Variants in PDIA6 observed in about 807,000 individuals in gnomAD.
PDIA6 encodes the protein protein disulfide-isomerase A6.
In PDIA6, 29 loss-of-function variants were observed where a neutral mutation model predicts 58.4. The ratio of observed to expected loss-of-function variants is 0.50; its 90% CI spans 0.37 to 0.68. PDIA6 has a LOEUF of 0.68. Among genes scored for constraint, PDIA6 ranks in the 30% least tolerant of loss-of-function variants. PDIA6 has a pLI of 0.00. For missense variants in PDIA6, 480 were observed against 551.0 expected (o/e 0.87, Z 1.29); for synonymous variants, 192 against 202.6 (o/e 0.95, Z 0.44).
chr2:10,822,847 GT>G (rs964478704), intron 1 of PDIA6, among the ~76,000 whole-genome samples: 1 of 152,220 alleles, frequency 6.6e-6, no homozygotes, highest in Admixed American at 6.5e-5. Context: ...TCTCTAGCAA[GT>G]CTGAGGAGAC....
At chr2:10,816,308 C>T (rs1572696846), upstream of PDIA6, among the ~76,000 whole-genome samples, 1 of 151,818 alleles carries the variant, frequency 6.6e-6, no homozygotes, top group African/African-American at 2.4e-5. Flanking sequence ...TGGTCTCGAA[C>T]TCCCAGCCTC....
chr2:10,814,813 T>C (rs1167396502), upstream of PDIA6, among the ~76,000 whole-genome samples: 1 of 152,182 alleles, frequency 6.6e-6, no homozygotes, highest in Non-Finnish European at 1.5e-5. Flanking sequence ...TGTGAGTTGA[T>C]CGCAGCCTCT....
intron 2 of PDIA6, among the ~76,000 whole-genome samples, chr2:10,817,786 T>A (rs565319774): frequency 8.5e-5 from 13 of 152,224 alleles, no homozygotes; most frequent in Non-Finnish European, 1.6e-4. Context: ...GGAAGATCAG[T>A]GCCACCCTCC....
rs577726377 is a variant in PDIA6, at chr2:10,828,555, C to T, written c.-48+3647G>A. Among the ~76,000 whole-genome samples the T allele has an allele frequency of 5.6e-3, 853 of 152,288 alleles. 6 individuals are homozygous for T. The highest frequency in any genetic ancestry group is 0.019 in the African/African-American group (775 of 41,564). On this transcript the variant is annotated intron_variant, in intron 1 of 13. Transcript: ENST00000381611. ...ACCACCAGGGCCCAGGGCACTCTTCCGCCCATGCAGATGGCAGCTGGGACG... is the reference window on the plus strand; with the variant it reads ...ACCACCAGGGCCCAGGGCACTCTTCTGCCCATGCAGATGGCAGCTGGGACG...
rs574400088 is a variant in PDIA6 at position 10,800,370 on chromosome 2, T to C, written c.161+2129A>G. Among the ~76,000 whole-genome samples the C allele has an allele frequency of 4.6e-5, 7 of 152,338 alleles. No homozygotes were observed. The East Asian group carries it at 1.2e-3, about 25-fold the overall frequency. On this transcript the variant is annotated intron_variant, in intron 2 of 12. Coordinates refer to ENST00000272227, the MANE Select transcript of PDIA6 (RefSeq NM_005742.4). ...ACGGATGCTCTACAGCTAAGTATTATGCAAATCTTCCAAAATCTGACAAAA... is the reference window on the plus strand; with the variant it reads ...ACGGATGCTCTACAGCTAAGTATTACGCAAATCTTCCAAAATCTGACAAAA...
At chr2:10,834,602 C>G (rs1667783293), upstream of PDIA6, among the ~76,000 whole-genome samples, 1 of 151,882 alleles carries the variant, frequency 6.6e-6, no homozygotes, top group South Asian at 2.1e-4. Context: ...GGGTCCAGGT[C>G]CTTCTTTGTT....
intron 4 of PDIA6, among the ~76,000 whole-genome samples, chr2:10,796,598 AG>A (rs1666280385): frequency 6.6e-6 from 1 of 152,180 alleles, no homozygotes; most frequent in African/African-American, 2.4e-5. Flanking sequence ...TAGTTGCCTC[AG>A]TGGCTCACAG....
chr2:10,821,778 C>T (rs1354450115), intron 1 of PDIA6, among the ~76,000 whole-genome samples: 2 of 151,998 alleles, frequency 1.3e-5, no homozygotes, highest in African/African-American at 4.8e-5. Context: ...GCACATGCTG[C>T]TATGCCCGGC....
intron 10 of PDIA6, among the ~76,000 whole-genome samples, chr2:10,788,214 A>T (rs1665869582): frequency 6.6e-6 from 1 of 152,180 alleles, no homozygotes. Flanking sequence ...ATTCAGGTGC[A>T]CTACTCCTTA....
chr2:10,789,648 A>C, intron 8 of PDIA6, 101 bp downstream of exon 8: 1 of 1,040,344 alleles, frequency 9.6e-7, no homozygotes, highest in Non-Finnish European at 1.4e-6. Context: ...TAAAGAGAGT[A>C]TCTTTAAGGG....
At chr2:10,831,663 A>G (rs1667713687) in intron 1 of PDIA6, among the ~76,000 whole-genome samples, 1 of 152,206 alleles carries the variant, frequency 6.6e-6, no homozygotes, top group African/African-American at 2.4e-5. Context: ...CTCACTGGAC[A>G]GGATTGGCCT....
At chr2:10,804,642 T>C (rs1666656728) in intron 1 of PDIA6, among the ~76,000 whole-genome samples, 1 of 138,078 alleles carries the variant, frequency 7.2e-6, no homozygotes, top group South Asian at 2.5e-4. Context: ...TTAGGATTGC[T>C]TTGGCGATGC....
intron 1 of PDIA6, among the ~76,000 whole-genome samples, chr2:10,824,433 C>A (rs1667493634): frequency 6.6e-6 from 1 of 152,228 alleles, no homozygotes; most frequent in Admixed American, 6.5e-5. Flanking sequence ...GAACTCTATC[C>A]CCCTTGCCAC....
chr2:10,833,907 G>A (rs185901390), upstream of PDIA6, among the ~76,000 whole-genome samples: 9 of 152,314 alleles, frequency 5.9e-5, no homozygotes, highest in South Asian at 2.1e-4. Flanking sequence ...AGCCCCAGAC[G>A]CTTGTTTAGA....
chr2:10,801,152 G>A (rs983035383), intron 2 of PDIA6, among the ~76,000 whole-genome samples: 4 of 152,110 alleles, frequency 2.6e-5, no homozygotes, highest in Admixed American at 6.5e-5. Flanking sequence ...GGTGGTACAT[G>A]CCTGTAGTAC....
intron 1 of PDIA6, among the ~76,000 whole-genome samples, chr2:10,806,649 A>AGAAAGAAAGAAAGAAAG (rs1283823871): frequency 3.7e-5 from 5 of 134,246 alleles, no homozygotes; most frequent in Admixed American, 7.6e-5. Flanking sequence ...AAAGAAAGAA[A>AGAAAGAAAGAAAGAAAG]AACGTTACAG....
At chr2:10,817,601 C>T (rs887564431), upstream of PDIA6, among the ~76,000 whole-genome samples, 3 of 152,012 alleles carry the variant, frequency 2.0e-5, no homozygotes, top group African/African-American at 7.3e-5. Context: ...CAAGGCCTTG[C>T]CAATGGAATG....
upstream of PDIA6, among the ~76,000 whole-genome samples, chr2:10,816,580 C>G (rs971867390): frequency 1.3e-5 from 2 of 150,870 alleles, no homozygotes; most frequent in Non-Finnish European, 2.9e-5. Context: ...CACCTCCCCA[C>G]TTTTAAAAAT....
intron 1 of PDIA6, chr2:10,810,283 A>AG (rs1411563362): frequency 2.0e-5 from 31 of 1,534,662 alleles, no homozygotes; most frequent in Non-Finnish European, 5.2e-6. Context: ...TTCTAACCGA[A>AG]GGGCTGGAGA....
Sources: allele counts gnomAD v4.1 joint callset (sites outside exome capture counted in the v4.1 genomes callset), GRCh38; gene constraint gnomAD v4.1.1; transcripts MANE v1.5; gene names NCBI Gene and HGNC (gene_info 2026-07-23, HGNC 2026-07-21).